Variants in SLC68A1 observed in about 807,000 individuals in gnomAD.
SLC68A1 encodes major facilitator superfamily domain containing 13A.
chr10:102,473,451 TTAGCACAGAGCCC>T, the SLC68A1 span: 10 of 1,042,086 alleles, frequency 9.6e-6, no homozygotes, highest in Non-Finnish European at 7.0e-6. Context: ...AGTGAAGCTC[TTAGCACAGAGCCC>T]AGTGCATCGC....
At chr10:102,467,140 C>T in the SLC68A1 span, among the ~76,000 whole-genome samples, 21 of 152,312 alleles carry the variant, frequency 1.4e-4, no homozygotes, top group East Asian at 2.5e-3. Flanking sequence ...GGGGTTCAAG[C>T]GATTCTCCTG....
At chr10:102,466,184 G>A in the SLC68A1 span, 20,811 of 152,128 alleles carry the variant, frequency 0.14, 1,868 homozygotes, top group Middle Eastern at 0.23. Flanking sequence ...CTGTACCCCT[G>A]TAAAGATAGG....
chr10:102,471,636 G>A, the SLC68A1 span, among the ~76,000 whole-genome samples: 4 of 152,224 alleles, frequency 2.6e-5, no homozygotes, highest in Admixed American at 2.6e-4. Context: ...CAGCATATCT[G>A]TAATTCCAAC....
the SLC68A1 span, chr10:102,468,895 C>T: frequency 1.5e-6 from 1 of 671,938 alleles, no homozygotes; most frequent in African/African-American, 1.8e-5. Context: ...ATTCAGAGGT[C>T]TGGGGTTAAG....
chr10:102,471,311 C>T, the SLC68A1 span: 9 of 1,613,818 alleles, frequency 5.6e-6, no homozygotes, highest in East Asian at 2.2e-5. Context: ...AGTGAGGAGG[C>T]GGACAGCATC....
chr10:102,473,904 C>G, the SLC68A1 span: 2 of 1,614,164 alleles, frequency 1.2e-6, no homozygotes, highest in Non-Finnish European at 1.7e-6. Flanking sequence ...GCTGAACCAC[C>G]GCAAGCAGGC....
At chr10:102,469,151 TTG>T in the SLC68A1 span, 2 of 1,613,986 alleles carry the variant, frequency 1.2e-6, no homozygotes, top group African/African-American at 2.7e-5. Flanking sequence ...GTGGACACCT[TTG>T]TCTCAGTGTA....
the SLC68A1 span, chr10:102,473,824 G>A: frequency 1.1e-5 from 17 of 1,609,556 alleles, no homozygotes; most frequent in South Asian, 9.9e-5. Flanking sequence ...TGCAGCAACC[G>A]CGTCTTCACT....
chr10:102,474,118 C>A, the SLC68A1 span: 1 of 1,212,124 alleles, frequency 8.2e-7, no homozygotes, highest in Non-Finnish European at 1.1e-6. Context: ...CGGAAGGTGG[C>A]AACTGGCGTC....
chr10:102,470,141 C>A, the SLC68A1 span: 2 of 1,449,670 alleles, frequency 1.4e-6, no homozygotes, highest in Non-Finnish European at 1.9e-6. Flanking sequence ...GGAGGGAGGA[C>A]CCCTGCCTGT....
the SLC68A1 span, among the ~76,000 whole-genome samples, chr10:102,462,395 G>C: frequency 1.3e-5 from 2 of 152,194 alleles, no homozygotes; most frequent in African/African-American, 4.8e-5. Flanking sequence ...GTTCACACCT[G>C]ACCCAGGGCT....
At chr10:102,473,555 C>T in the SLC68A1 span, 336 of 1,577,772 alleles carry the variant, frequency 2.1e-4, no homozygotes, top group East Asian at 3.5e-3. Context: ...GGTGGCTCCC[C>T]GTCTTCCTCC....
At chr10:102,466,946 G>A in the SLC68A1 span, among the ~76,000 whole-genome samples, 2 of 152,246 alleles carry the variant, frequency 1.3e-5, no homozygotes, top group East Asian at 1.9e-4. Context: ...CCTGTGTGGC[G>A]GGCATGGGGC....
the SLC68A1 span, chr10:102,471,223 G>A: frequency 1.2e-6 from 2 of 1,601,990 alleles, no homozygotes; most frequent in Non-Finnish European, 1.7e-6. Context: ...TGTGTTGGGG[G>A]ATAACTCTGG....
chr10:102,471,231 T>C, the SLC68A1 span: 2 of 1,607,388 alleles, frequency 1.2e-6, no homozygotes, highest in South Asian at 1.1e-5. Context: ...GGGATAACTC[T>C]GGCCAGCCCC....
the SLC68A1 span, chr10:102,476,867 G>T: frequency 6.1e-6 from 6 of 985,584 alleles, no homozygotes; most frequent in Non-Finnish European, 7.2e-6. Context: ...AAAGCTGACT[G>T]TAAGTCCCAC....
chr10:102,473,703 C>T, the SLC68A1 span: 1 of 1,614,012 alleles, frequency 6.2e-7, no homozygotes, highest in South Asian at 1.1e-5. Flanking sequence ...TGTTGGCCGG[C>T]CCGGACCACC....
chr10:102,473,397 G>A, the SLC68A1 span, among the ~76,000 whole-genome samples: 1 of 152,156 alleles, frequency 6.6e-6, no homozygotes, highest in African/African-American at 2.4e-5. Flanking sequence ...AAGTGGGGAT[G>A]ATAATAGTAC....
chr10:102,476,284 T>C, the SLC68A1 span: 1 of 331,990 alleles, frequency 3.0e-6, no homozygotes, highest in Non-Finnish European at 4.8e-6. Context: ...GCCAGGCTAG[T>C]CTCAAACCCC....
Sources: gnomAD v4.1 joint callset for allele counts (sites outside exome capture counted in the v4.1 genomes callset) on GRCh38, gnomAD v4.1.1 for gene constraint, MANE v1.5 for transcripts, NCBI Gene and HGNC (gene_info 2026-07-23, HGNC 2026-07-21) for gene names.